Variants in KCNB2 observed in about 807,000 individuals in gnomAD.
The protein encoded by KCNB2 is potassium voltage-gated channel subfamily B member 2, also known as delayed rectifier potassium channel protein.
A neutral mutation model predicts 61.5 loss-of-function variants in KCNB2; 15 were observed. That is an observed-to-expected ratio of 0.24 (90% CI 0.16 to 0.38). The LOEUF (loss-of-function observed/expected upper bound fraction) is 0.38, where lower values mean the gene tolerates loss of function less well. KCNB2 is among the 10% of genes least tolerant of loss of function. KCNB2 has a pLI of 1.00. For missense variants in KCNB2, 828 were observed against 1,125.2 expected (o/e 0.74, Z 3.78); for synonymous variants, 457 against 446.0 (o/e 1.02, Z -0.31).
chr8:72,929,789 G>GT (rs924928382), intron 2 of KCNB2, among the ~76,000 whole-genome samples: 48 of 151,806 alleles, frequency 3.2e-4, no homozygotes, highest in Middle Eastern at 3.4e-3. Context: ...ACACATAATT[G>GT]TTTTTTTTAT....
chr8:72,684,952 T>C (rs762785238), intron 2 of KCNB2, among the ~76,000 whole-genome samples: 23 of 152,240 alleles, frequency 1.5e-4, no homozygotes, highest in Non-Finnish European at 2.6e-4. Flanking sequence ...CTATTAATGT[T>C]TCCTCTCTAG....
chr8:72,764,970 A>G (rs1406137696), intron 2 of KCNB2, among the ~76,000 whole-genome samples: 1 of 152,172 alleles, frequency 6.6e-6, no homozygotes, highest in Non-Finnish European at 1.5e-5. Context: ...TATGACAAAT[A>G]TTCTTTTAAG....
At position 72,597,201 on chromosome 8, in the gene KCNB2, TTTAGTAGAGACA is replaced by T. The variant is rs1324548875; in HGVS notation, c.579+28900_579+28911del. On this transcript the variant is annotated intron_variant, in intron 2 of 2. Transcript: ENST00000523207. ...ACCACACTCAGCTAATTTTCTGTAT[TTTAGTAGAGACA>T]TTAGTAGAGACGGGGTTTCACCGTG... Among the ~76,000 whole-genome samples, 12 of 152,028 alleles carry T rather than the reference TTTAGTAGAGACA, an allele frequency of 7.9e-5. No homozygotes were observed. The East Asian group carries it at 2.3e-3, about 30-fold the overall frequency.
intron 2 of KCNB2, among the ~76,000 whole-genome samples, chr8:72,921,097 A>G (rs897851655): frequency 1.4e-4 from 22 of 152,064 alleles, no homozygotes; most frequent in Non-Finnish European, 2.2e-4. Flanking sequence ...AAACATTGGG[A>G]TCATGTTACC....
intron 1 of KCNB2, among the ~76,000 whole-genome samples, chr8:72,557,239 A>G (rs903169165): frequency 1.3e-5 from 2 of 152,088 alleles, no homozygotes; most frequent in Non-Finnish European, 1.5e-5. Context: ...TCCCATCCCA[A>G]TTACTGCCCA....
At chr8:72,679,290 T>A (rs1352163267) in intron 2 of KCNB2, among the ~76,000 whole-genome samples, 1 of 152,232 alleles carries the variant, frequency 6.6e-6, no homozygotes, top group Non-Finnish European at 1.5e-5. Flanking sequence ...TGTTCTTATG[T>A]TCTTATTCAT....
chr8:72,892,518 A>G (rs1467416956), intron 2 of KCNB2, among the ~76,000 whole-genome samples: 10 of 152,222 alleles, frequency 6.6e-5, no homozygotes, highest in Admixed American at 5.9e-4. Flanking sequence ...GGCACATGCC[A>G]CATGTTTCAT....
At chr8:72,610,803 G>A (rs147098092) in intron 2 of KCNB2, among the ~76,000 whole-genome samples, 3 of 152,238 alleles carry the variant, frequency 2.0e-5, no homozygotes, top group Non-Finnish European at 4.4e-5. Flanking sequence ...AGTGGTTTAC[G>A]TAACATACAG....
At chr8:72,557,670 G>C (rs1806449549) in intron 1 of KCNB2, among the ~76,000 whole-genome samples, 1 of 152,212 alleles carries the variant, frequency 6.6e-6, no homozygotes, top group African/African-American at 2.4e-5. Context: ...TGCAGTGACA[G>C]AAAGCACTTG....
intron 2 of KCNB2, among the ~76,000 whole-genome samples, chr8:72,885,608 T>C (rs959716641): frequency 6.6e-6 from 1 of 152,180 alleles, no homozygotes; most frequent in Non-Finnish European, 1.5e-5. Context: ...AAATATATTA[T>C]GGACTTTTTA....
chr8:72,800,040 C>A (rs1409039138), intron 2 of KCNB2, among the ~76,000 whole-genome samples: 4 of 152,064 alleles, frequency 2.6e-5, no homozygotes, highest in Non-Finnish European at 4.4e-5. Context: ...AGGCGAAAAC[C>A]AATTTAAATG....
At position 72,938,257 on chromosome 8, in the gene KCNB2, T is replaced by A; in HGVS notation, c.*166T>A. ...CATGAACAGTTTAGCTTAAGTACTG[T>A]TTAAATAATGAGTCAAGACTGCATT... On this transcript the variant is annotated 3_prime_UTR_variant, in exon 3 of 3. Coordinates refer to ENST00000523207, the MANE Select transcript of KCNB2 (RefSeq NM_004770.3). 1 of 590,502 alleles carries A rather than the reference T, an allele frequency of 1.7e-6. No individual in the cohort carries two copies. The highest frequency in any genetic ancestry group is 2.3e-5 in the South Asian group (1 of 43,844). The allele number at this position is 590,502 out of a possible 1,614,324, so 36.6% of individuals were successfully genotyped here.
At chr8:72,823,194 G>A (rs1311141564) in intron 2 of KCNB2, among the ~76,000 whole-genome samples, 1 of 152,136 alleles carries the variant, frequency 6.6e-6, no homozygotes, top group African/African-American at 2.4e-5. Context: ...CTCTTGAATA[G>A]CGTATGTTTG....
chr8:72,932,024 A>AACAC (rs918483222), intron 2 of KCNB2, among the ~76,000 whole-genome samples: 1 of 147,898 alleles, frequency 6.8e-6, no homozygotes, highest in Admixed American at 6.9e-5. Context: ...AAAACAAACA[A>AACAC]ACAAAAAAAA....
chr8:72,823,261 G>A (rs754410047), intron 2 of KCNB2, among the ~76,000 whole-genome samples: 2 of 152,140 alleles, frequency 1.3e-5, no homozygotes, highest in Non-Finnish European at 2.9e-5. Flanking sequence ...GAGTCATGCT[G>A]TGCAATTTTG....
At chr8:72,585,160 AG>A (rs1215793583) in intron 2 of KCNB2, among the ~76,000 whole-genome samples, 3 of 152,190 alleles carry the variant, frequency 2.0e-5, no homozygotes, top group East Asian at 3.9e-4. Flanking sequence ...GCACTAAATA[AG>A]GGGTTTTTTT....
At chr8:72,761,620 T>C (rs1034995655) in intron 2 of KCNB2, among the ~76,000 whole-genome samples, 5 of 152,202 alleles carry the variant, frequency 3.3e-5, no homozygotes, top group African/African-American at 9.6e-5. Context: ...GAATACAATA[T>C]GTCAATTGGA....
intron 1 of KCNB2, among the ~76,000 whole-genome samples, chr8:72,561,770 T>TATAC (rs1806534406): frequency 1.6e-4 from 5 of 31,190 alleles, no homozygotes; most frequent in Middle Eastern, 8.9e-3. Flanking sequence ...TGGATATATA[T>TATAC]ATATATGGAT....
intron 2 of KCNB2, among the ~76,000 whole-genome samples, chr8:72,684,494 G>A (rs576084761): frequency 1.3e-3 from 192 of 152,264 alleles, no homozygotes; most frequent in African/African-American, 4.2e-3. Flanking sequence ...TATTTAAGAC[G>A]CAGGAGCAAG....
Sources: allele counts gnomAD v4.1 joint callset (sites outside exome capture counted in the v4.1 genomes callset), GRCh38; gene constraint gnomAD v4.1.1; transcripts MANE v1.5; gene names NCBI Gene and HGNC (gene_info 2026-07-23, HGNC 2026-07-21).